The following FMN2 variants were observed in gnomAD, a reference collection of about 807,000 sequenced individuals.
FMN2 encodes formin 2, also known as formin-2.
A neutral mutation model predicts 142.3 loss-of-function variants in FMN2; 51 were observed. The ratio of observed to expected loss-of-function variants is 0.36; its 90% confidence interval spans 0.29 to 0.45. The LOEUF is 0.45. Ranked by LOEUF, FMN2 falls within the 20% of genes least tolerant of loss-of-function variation. The pLI is 1.00. For synonymous variants in FMN2, 882 were observed against 869.8 expected, an observed-to-expected ratio of 1.01 and a Z score of -0.25; for missense variants, 1,936 against 2,122.8, an observed-to-expected ratio of 0.91 and a Z score of 1.73.
intron 1 of FMN2, 26 bp from the exon 2 acceptor site, chr1:240,123,153 T>C (rs3738434): frequency 0.035 from 55,869 of 1,613,310 alleles, 1,148 homozygotes; most frequent in Admixed American, 0.068. Context: ...CAGTGCTCGC[T>C]CTTAATGACT....
At chr1:240,336,728 A>G (rs1008901135) in intron 13 of FMN2, among the ~76,000 whole-genome samples, 1 of 152,144 alleles carries the variant, frequency 6.6e-6, no homozygotes, top group Non-Finnish European at 1.5e-5. Flanking sequence ...ACCTTTGAGG[A>G]ACTTACAGGG....
At chr1:240,398,233 G>T (rs1016199617) in intron 15 of FMN2, among the ~76,000 whole-genome samples, 17 of 152,040 alleles carry the variant, frequency 1.1e-4, no homozygotes, top group Non-Finnish European at 2.2e-4. Context: ...CAAACTCTTG[G>T]CCTCAAGTGG....
chr1:240,093,393 G>A lies in FMN2; in HGVS notation c.1284G>A (p.Ser428=). Residue 428 remains serine, a synonymous_variant, in exon 1 of 18, where the codon TCG becomes TCA. Coordinates refer to ENST00000319653, the MANE Select transcript of FMN2 (RefSeq NM_020066.5). ...AGACCACCACCCGGCAGCTCAGCTC[G>A]CCCAATCACTCCCCGTCTCAGTCCC... The part of the protein sequence containing the change: ...YIKTTTRQLS[S]PNHSPSQSPN... The A allele has an allele frequency of 6.2e-7, 1 of 1,613,198 alleles. No individual in the cohort carries two copies. The highest frequency in any genetic ancestry group is 8.5e-7 in the Non-Finnish European group (1 of 1,179,626).
intron 7 of FMN2, among the ~76,000 whole-genome samples, chr1:240,288,594 C>CCTGT (rs1669671395): frequency 1.3e-5 from 2 of 152,076 alleles, no homozygotes; most frequent in African/African-American, 4.8e-5. Flanking sequence ...GACTCACGGC[C>CCTGT]CTGTGATATT....
intron 13 of FMN2, among the ~76,000 whole-genome samples, chr1:240,348,822 T>C (rs1266004971): frequency 6.6e-6 from 1 of 152,220 alleles, no homozygotes; most frequent in Non-Finnish European, 1.5e-5. Flanking sequence ...AGGCCAGACA[T>C]CAATGTTTTT....
intron 14 of FMN2, among the ~76,000 whole-genome samples, chr1:240,377,435 C>A (rs930120590): frequency 3.9e-5 from 6 of 152,036 alleles, no homozygotes; most frequent in Non-Finnish European, 8.8e-5. Flanking sequence ...AACTTCATAG[C>A]TTAAAACAAT....
At chr1:240,165,280 A>G (rs1229712247) in intron 2 of FMN2, among the ~76,000 whole-genome samples, 1 of 152,138 alleles carries the variant, frequency 6.6e-6, no homozygotes, top group African/African-American at 2.4e-5. Context: ...GGCTCAAGTG[A>G]TCCTCTAGCC....
At chr1:240,455,039 TAAA>T (rs34856404) in intron 16 of FMN2, among the ~76,000 whole-genome samples, 1 of 148,146 alleles carries the variant, frequency 6.8e-6, no homozygotes, top group African/African-American at 2.5e-5. Flanking sequence ...TATTATTAGT[TAAA>T]AAAAAAAAAG....
At chr1:240,314,841 A>G (rs1325697881) in intron 8 of FMN2, among the ~76,000 whole-genome samples, 2 of 152,138 alleles carry the variant, frequency 1.3e-5, no homozygotes, top group African/African-American at 2.4e-5. Context: ...CATTGTTTTT[A>G]CATAAATTCT....
intron 1 of FMN2, among the ~76,000 whole-genome samples, chr1:240,096,731 G>A (rs1259462869): frequency 6.6e-6 from 1 of 152,146 alleles, no homozygotes; most frequent in East Asian, 1.9e-4. Flanking sequence ...CAGCATTACA[G>A]GAAGAAACAG....
intron 13 of FMN2, among the ~76,000 whole-genome samples, chr1:240,348,034 C>A (rs1281761223): frequency 6.6e-6 from 1 of 152,068 alleles, no homozygotes; most frequent in Non-Finnish European, 1.5e-5. Context: ...TTTGGTAGAA[C>A]AATTTATTTT....
intron 2 of FMN2, among the ~76,000 whole-genome samples, chr1:240,125,665 G>T (rs1662466904): frequency 6.6e-6 from 1 of 152,194 alleles, no homozygotes; most frequent in Non-Finnish European, 1.5e-5. Flanking sequence ...AGTCTTGCCA[G>T]TCGATAAATG....
intron 14 of FMN2, among the ~76,000 whole-genome samples, chr1:240,376,671 G>A (rs1220253146): frequency 3.3e-5 from 5 of 152,084 alleles, no homozygotes; most frequent in Non-Finnish European, 7.4e-5. Context: ...ATATGAGGAT[G>A]TGTGTAGGTT....
intron 2 of FMN2, among the ~76,000 whole-genome samples, chr1:240,154,190 A>AACG (rs1216472783): frequency 3.3e-5 from 5 of 150,500 alleles, no homozygotes; most frequent in Non-Finnish European, 5.9e-5. Context: ...GTCTTAGGAG[A>AACG]ACGTACGTTC....
intron 15 of FMN2, among the ~76,000 whole-genome samples, chr1:240,394,951 G>A (rs889439777): frequency 2.0e-5 from 3 of 152,184 alleles, no homozygotes; most frequent in African/African-American, 7.2e-5. Flanking sequence ...CTGGGTGACA[G>A]AGTGAGACTC....
At chr1:240,186,675 C>T (rs754908771) in intron 3 of FMN2, among the ~76,000 whole-genome samples, 1 of 152,094 alleles carries the variant, frequency 6.6e-6, no homozygotes, top group Non-Finnish European at 1.5e-5. Context: ...TTTGGCGGCC[C>T]TATGGAAGAA....
chr1:240,097,095 C>G (rs901529162), intron 1 of FMN2, among the ~76,000 whole-genome samples: 1 of 152,014 alleles, frequency 6.6e-6, no homozygotes, highest in Admixed American at 6.6e-5. Flanking sequence ...GATGCTAAAT[C>G]GCTTTTGATA....
At chr1:240,296,679 T>C (rs961644202) in intron 8 of FMN2, among the ~76,000 whole-genome samples, 37 of 151,870 alleles carry the variant, frequency 2.4e-4, no homozygotes, top group African/African-American at 7.2e-4. Context: ...TTGGTTTTTT[T>C]TTTTTAACAT....
At chr1:240,427,171 T>TTATATATA (rs34534422) in intron 15 of FMN2, among the ~76,000 whole-genome samples, 2 of 136,890 alleles carry the variant, frequency 1.5e-5, no homozygotes, top group African/African-American at 3.2e-5. Context: ...ACAACTGATT[T>TTATATATA]TATATATATA....
Sources: gnomAD v4.1 joint callset for allele counts (sites outside exome capture counted in the v4.1 genomes callset) on GRCh38, gnomAD v4.1.1 for gene constraint, MANE v1.5 for transcripts, NCBI Gene and HGNC (gene_info 2026-07-23, HGNC 2026-07-21) for gene names.